Variants in SBF2 observed in about 807,000 individuals in gnomAD.
The protein encoded by SBF2 is SET binding factor 2.
In SBF2, 112 loss-of-function variants were observed where a neutral mutation model predicts 225.2. The observed-to-expected ratio is 0.50, with a 90% CI of 0.43 to 0.58. The LOEUF (loss-of-function observed/expected upper bound fraction) is 0.58. Ranked by LOEUF, SBF2 falls within the 20% of genes least tolerant of loss-of-function variation. The probability of loss-of-function intolerance (pLI) is 0.00; values close to 1 mark genes in which losing one functional copy is unlikely to be tolerated. For synonymous variants in SBF2, 763 were observed against 773.3 expected, an observed-to-expected ratio of 0.99 and a Z score of 0.22; for missense variants, 1,996 against 2,206.2, an observed-to-expected ratio of 0.90 and a Z score of 1.91.
chr11:10,221,587 CAA>C (rs560560403), intron 1 of SBF2, among the ~76,000 whole-genome samples: 14 of 152,278 alleles, frequency 9.2e-5, no homozygotes, highest in African/African-American at 2.9e-4. Context: ...CAAAAAGTAA[CAA>C]GAGAGAATTC....
chr11:9,804,851 G>C (rs1043755805), intron 32 of SBF2, among the ~76,000 whole-genome samples: 1 of 152,138 alleles, frequency 6.6e-6, no homozygotes, highest in Non-Finnish European at 1.5e-5. Flanking sequence ...TCGGTTGATG[G>C]ACATTTGGTT....
intron 1 of SBF2, among the ~76,000 whole-genome samples, chr11:10,289,676 G>T (rs151220619): frequency 6.6e-6 from 1 of 152,230 alleles, no homozygotes; most frequent in African/African-American, 2.4e-5. Flanking sequence ...CCTGCTCAGA[G>T]CCTACCCCTG....
rs368478401 is a variant in SBF2 at position 9,790,595 on chromosome 11, G to A, written c.4659C>T (p.Pro1553=). 1.9e-6 allele frequency: 3 copies of A among 1,586,020 alleles called. No individual in the cohort carries two copies. Among genetic ancestry groups the A allele is most frequent in the East Asian group, 2.2e-5 (1 of 44,678 alleles). ...ECIDRMHKRS[P]IFFNYLYSPL... Reference sequence around the variant, plus strand: ...GTGAATATAAATAATTAAAGAAAATGGGACTCCTCTTGTGCATTCTGTCAA... The same window carrying A: ...GTGAATATAAATAATTAAAGAAAATAGGACTCCTCTTGTGCATTCTGTCAA... The change falls in exon 34 of 40, where the codon CCC becomes CCT. Residue 1553 remains proline (P), a synonymous_variant. Coordinates refer to ENST00000256190, the MANE Select transcript of SBF2 (RefSeq NM_030962.4).
rs779174513 is a variant in SBF2, at chr11:9,829,427, G to T, written c.3722C>A (p.Ala1241Asp). 1.3e-5 allele frequency: 21 copies of T among 1,613,140 alleles called. No homozygotes were observed. The highest frequency in any genetic ancestry group is 1.8e-5 in the Non-Finnish European group (21 of 1,179,068). Reference protein sequence around the residue: ...QEKYLQALLNAVSVHQKLRGN... With the variant: ...QEKYLQALLNDVSVHQKLRGN... ...TCTGAGTTTCTGATGGACAGAAACA[G>T]CATTCAGTAAGGCTTGCAAGTATTT... is the stretch of plus-strand genomic sequence containing the variant. The change falls in exon 28 of 40, where the codon GCT (alanine) becomes GAT (aspartate). Residue 1241 changes from alanine to aspartate, a missense_variant. Coordinates refer to ENST00000256190, the MANE Select transcript of SBF2 (RefSeq NM_030962.4).
intron 1 of SBF2, among the ~76,000 whole-genome samples, chr11:10,301,474 A>T (rs552576387): frequency 2.0e-5 from 3 of 152,242 alleles, no homozygotes; most frequent in Admixed American, 2.0e-4. Flanking sequence ...TGCATCTTGA[A>T]CTTTGTTTTC....
intron 1 of SBF2, among the ~76,000 whole-genome samples, chr11:10,198,202 G>A (rs1301232970): frequency 6.6e-6 from 1 of 152,204 alleles, no homozygotes; most frequent in Non-Finnish European, 1.5e-5. Context: ...CTTATGGAAT[G>A]TATTTCTTAA....
chr11:10,244,883 C>A (rs1234285945), intron 1 of SBF2, among the ~76,000 whole-genome samples: 1 of 151,926 alleles, frequency 6.6e-6, no homozygotes, highest in African/African-American at 2.4e-5. Context: ...TGCCTGTAAT[C>A]CCAGCACTTT....
intron 33 of SBF2, among the ~76,000 whole-genome samples, chr11:9,793,465 C>T (rs1286891087): frequency 6.6e-6 from 1 of 152,192 alleles, no homozygotes; most frequent in Non-Finnish European, 1.5e-5. Context: ...TCTCAGCTCA[C>T]TGCAACCTCT....
At chr11:10,198,809 T>C (rs369940016) in intron 1 of SBF2, among the ~76,000 whole-genome samples, 5 of 152,252 alleles carry the variant, frequency 3.3e-5, no homozygotes, top group East Asian at 3.8e-4. Context: ...GCTTCTTTTC[T>C]TAAACCTCAT....
chr11:10,086,324 T>A (rs567425592), intron 2 of SBF2, among the ~76,000 whole-genome samples: 3 of 152,148 alleles, frequency 2.0e-5, no homozygotes, highest in Non-Finnish European at 4.4e-5. Context: ...GACAAGTTTC[T>A]AAGTTAGCAG....
chr11:10,079,815 G>A (rs1170447132), intron 2 of SBF2, among the ~76,000 whole-genome samples: 1 of 151,836 alleles, frequency 6.6e-6, no homozygotes, highest in Non-Finnish European at 1.5e-5. Flanking sequence ...CATTAAGAGG[G>A]GAAAAAAAAT....
intron 16 of SBF2, among the ~76,000 whole-genome samples, chr11:9,913,160 T>A (rs1862784722): frequency 6.6e-6 from 1 of 152,134 alleles, no homozygotes; most frequent in Non-Finnish European, 1.5e-5. Context: ...GGCATGTGCC[T>A]GTAGTCTCAG....
At chr11:10,171,030 A>G (rs1320711723) in intron 2 of SBF2, among the ~76,000 whole-genome samples, 2 of 152,072 alleles carry the variant, frequency 1.3e-5, no homozygotes, top group East Asian at 3.9e-4. Flanking sequence ...CAGTTTTAAT[A>G]GTTTTTTGGT....
At chr11:9,842,567 C>T (rs2133961101) in intron 25 of SBF2, 58 bp downstream of exon 25, 1 of 1,551,232 alleles carries the variant, frequency 6.4e-7, no homozygotes, top group Middle Eastern at 1.7e-4. Flanking sequence ...ACATCTGAGT[C>T]TCTTATTCAT....
intron 2 of SBF2, among the ~76,000 whole-genome samples, chr11:10,066,344 CTATATA>C (rs568742709): frequency 6.7e-6 from 1 of 149,762 alleles, no homozygotes. Context: ...ATATCTATAT[CTATATA>C]TATATATCTT....
At chr11:10,033,188 T>C (rs952586703) in intron 3 of SBF2, among the ~76,000 whole-genome samples, 4 of 152,316 alleles carry the variant, frequency 2.6e-5, no homozygotes, top group South Asian at 2.1e-4. Flanking sequence ...ATATTCTTCA[T>C]GGATTACTAA....
chr11:9,796,682 G>C (rs1379583421), intron 32 of SBF2, among the ~76,000 whole-genome samples: 1 of 152,196 alleles, frequency 6.6e-6, no homozygotes. Flanking sequence ...CTAGATTTAG[G>C]GAACAGCTTT....
rs1469233412 is a variant in SBF2, at chr11:9,967,935, G to GTCTC, written c.1600+405_1600+406insGAGA. Among the ~76,000 whole-genome samples the GTCTC allele has an allele frequency of 6.0e-3, 683 of 114,408 alleles. 1 individual carries two copies. The highest frequency in any genetic ancestry group is 9.6e-3 in the Non-Finnish European group (519 of 54,042). 75.1% of individuals were successfully genotyped at this position (114,408 alleles called of 152,430 possible). On this transcript the variant is annotated intron_variant, in intron 14 of 39. Transcript: ENST00000256190. ...AATCTGTCTGTCTGTCTGTCTGTCT[G>GTCTC]TCTGTCTGTCTGTCTCTCTCTCTCT...
chr11:9,922,742 G>A (rs1050914867), intron 16 of SBF2, among the ~76,000 whole-genome samples: 2 of 152,028 alleles, frequency 1.3e-5, no homozygotes, highest in African/African-American at 2.4e-5. Flanking sequence ...GAATGAGCTC[G>A]TTTTTTTCTC....
Sources: gnomAD v4.1 joint callset for allele counts (sites outside exome capture counted in the v4.1 genomes callset) on GRCh38, gnomAD v4.1.1 for gene constraint, MANE v1.5 for transcripts, NCBI Gene and HGNC (gene_info 2026-07-23, HGNC 2026-07-21) for gene names.